The following PRR16 variants were observed in gnomAD, a reference collection of about 807,000 sequenced individuals.
PRR16 encodes the protein proline rich 16, also known as protein Largen.
PRR16 carries 6 observed loss-of-function variants against 18.2 expected under a neutral mutation model. That is an observed-to-expected ratio of 0.33 (90% CI 0.18 to 0.65). The LOEUF is 0.65. PRR16 is among the 30% of genes least tolerant of loss of function. The pLI is 0.74. For missense variants in PRR16, 412 were observed against 376.6 expected (o/e 1.09, Z -0.78); for synonymous variants, 151 against 147.8 (o/e 1.02, Z -0.16).
At chr5:120,643,471 TA>T (rs1282446633) in intron 1 of PRR16, among the ~76,000 whole-genome samples, 1 of 152,110 alleles carries the variant, frequency 6.6e-6, no homozygotes, top group Non-Finnish European at 1.5e-5. Context: ...ACATGATTTT[TA>T]AAAAAATATT....
intron 1 of PRR16, among the ~76,000 whole-genome samples, chr5:120,588,177 G>A (rs77900755): frequency 0.047 from 7,199 of 152,248 alleles, 421 homozygotes; most frequent in African/African-American, 0.14. Flanking sequence ...AAACAAAGTG[G>A]TTTCTTGAGA....
chr5:120,512,740 GT>G (rs1226833466), intron 1 of PRR16, among the ~76,000 whole-genome samples: 1 of 152,092 alleles, frequency 6.6e-6, no homozygotes, highest in African/African-American at 2.4e-5. Context: ...GGAGGTTCAG[GT>G]TTTTGTCTTC....
chr5:120,575,615 A>G (rs1753051961), intron 1 of PRR16, among the ~76,000 whole-genome samples: 1 of 152,154 alleles, frequency 6.6e-6, no homozygotes, highest in Non-Finnish European at 1.5e-5. Context: ...TTCTTTTATG[A>G]TAAAAACTCA....
intron 1 of PRR16, among the ~76,000 whole-genome samples, chr5:120,540,609 G>A (rs1446333642): frequency 2.0e-5 from 3 of 151,860 alleles, no homozygotes; most frequent in East Asian, 3.9e-4. Flanking sequence ...CTCTCCTTTG[G>A]TCTGTCCTGA....
intron 1 of PRR16, among the ~76,000 whole-genome samples, chr5:120,635,409 A>T (rs1256546076): frequency 6.6e-6 from 1 of 152,188 alleles, no homozygotes; most frequent in South Asian, 2.1e-4. Context: ...TATCAAAAAG[A>T]TAATGCACCA....
chr5:120,761,494 T>G, the PRR16 span, among the ~76,000 whole-genome samples: 36,803 of 152,090 alleles, frequency 0.24, 4,975 homozygotes, highest in Non-Finnish European at 0.3. Flanking sequence ...TTAGCAATCA[T>G]GCATAAGTGT....
chr5:120,734,914 A>C, the PRR16 span, among the ~76,000 whole-genome samples: 7 of 152,328 alleles, frequency 4.6e-5, no homozygotes, highest in East Asian at 3.9e-4. Context: ...TGAATGAATA[A>C]AATTTAGACA....
At chr5:120,734,313 T>A in the PRR16 span, among the ~76,000 whole-genome samples, 2 of 152,018 alleles carry the variant, frequency 1.3e-5, no homozygotes, top group Non-Finnish European at 2.9e-5. Context: ...CTGGGGCACA[T>A]TTTTCACACT....
chr5:120,575,668 A>G (rs1473448689), intron 1 of PRR16, among the ~76,000 whole-genome samples: 2 of 152,156 alleles, frequency 1.3e-5, no homozygotes, highest in African/African-American at 4.8e-5. Flanking sequence ...AAGGCCATAT[A>G]GACAAACACA....
chr5:120,785,575 G>GT, the PRR16 span, among the ~76,000 whole-genome samples: 720 of 115,424 alleles, frequency 6.2e-3, 18 homozygotes, highest in African/African-American at 0.018. Context: ...TGTTGTTGTT[G>GT]TTTTTTTTTT....
At chr5:120,545,656 C>G (rs1389041599) in intron 1 of PRR16, among the ~76,000 whole-genome samples, 1 of 151,894 alleles carries the variant, frequency 6.6e-6, no homozygotes, top group East Asian at 1.9e-4. Context: ...GGAGAAATAT[C>G]CTAAAACCAT....
At chr5:120,559,413 C>G (rs565764821) in intron 1 of PRR16, among the ~76,000 whole-genome samples, 1 of 151,782 alleles carries the variant, frequency 6.6e-6, no homozygotes, top group Admixed American at 6.6e-5. Flanking sequence ...ATTGAAGATA[C>G]TGTCTTACCT....
intron 1 of PRR16, among the ~76,000 whole-genome samples, chr5:120,647,780 C>T (rs944861951): frequency 6.6e-6 from 1 of 152,014 alleles, no homozygotes; most frequent in African/African-American, 2.4e-5. Flanking sequence ...CATGTCAAGC[C>T]TCATCTTCAT....
intron 1 of PRR16, among the ~76,000 whole-genome samples, chr5:120,484,467 T>C (rs1374962560): frequency 6.9e-6 from 1 of 143,972 alleles, no homozygotes; most frequent in African/African-American, 2.6e-5. Flanking sequence ...ATATCTAATA[T>C]ATGTTTATAT....
At chr5:120,668,473 A>G (rs978342781) in intron 1 of PRR16, among the ~76,000 whole-genome samples, 1 of 151,424 alleles carries the variant, frequency 6.6e-6, no homozygotes, top group African/African-American at 2.4e-5. Context: ...TAATATTGTT[A>G]TGTGTGAATT....
the PRR16 span, among the ~76,000 whole-genome samples, chr5:120,783,019 T>C: frequency 6.6e-6 from 1 of 152,180 alleles, no homozygotes; most frequent in Admixed American, 6.5e-5. Context: ...GTTCATGCAG[T>C]ATGTCTTGCT....
intron 1 of PRR16, among the ~76,000 whole-genome samples, chr5:120,573,517 G>A (rs1247656411): frequency 6.6e-6 from 1 of 151,116 alleles, no homozygotes; most frequent in Non-Finnish European, 1.5e-5. Flanking sequence ...CAATGCTGCA[G>A]CTCTCTCTTG....
intron 1 of PRR16, among the ~76,000 whole-genome samples, chr5:120,617,392 A>G (rs894748657): frequency 2.0e-5 from 3 of 152,208 alleles, no homozygotes; most frequent in Non-Finnish European, 4.4e-5. Flanking sequence ...ACTATTTATC[A>G]TCATATAAAT....
At chr5:120,599,903 C>T (rs1753929548) in intron 1 of PRR16, among the ~76,000 whole-genome samples, 1 of 151,788 alleles carries the variant, frequency 6.6e-6, no homozygotes, top group African/African-American at 2.4e-5. Context: ...AACCCTATGC[C>T]CACAGGACCA....
Sources: allele counts gnomAD v4.1 joint callset (sites outside exome capture counted in the v4.1 genomes callset), GRCh38; gene constraint gnomAD v4.1.1; transcripts MANE v1.5; gene names NCBI Gene and HGNC (gene_info 2026-07-23, HGNC 2026-07-21).